The following CALCR variants were observed in gnomAD, a reference collection of about 807,000 sequenced individuals.
CALCR encodes calcitonin receptor.
CALCR carries 47 observed loss-of-function variants against 59.5 expected under a neutral mutation model. The ratio of observed to expected loss-of-function variants is 0.79; its 90% CI spans 0.63 to 1.01. CALCR has a LOEUF of 1.01. Ranked by LOEUF, CALCR falls within the 50% of genes least tolerant of loss-of-function variation. The pLI is 0.00. For synonymous variants in CALCR, 213 were observed against 211.3 expected (o/e 1.01, Z -0.07); for missense variants, 566 against 597.1 (o/e 0.95, Z 0.54).
chr7:93,519,422 C>T (rs1186952621), intron 2 of CALCR, among the ~76,000 whole-genome samples: 1 of 151,948 alleles, frequency 6.6e-6, no homozygotes, highest in African/African-American at 2.4e-5. Context: ...GTTACTTAAC[C>T]ACTCTTAGCC....
At chr7:93,519,816 C>G (rs1746306475) in intron 2 of CALCR, among the ~76,000 whole-genome samples, 1 of 151,908 alleles carries the variant, frequency 6.6e-6, no homozygotes, top group African/African-American at 2.4e-5. Context: ...TTCCCCTCTG[C>G]TCGCTCACTC....
chr7:93,510,299 G>A lies in CALCR; in HGVS notation c.-26-23292C>T, dbSNP rs142014981. On this transcript the variant is annotated intron_variant, in intron 2 of 13. Coordinates refer to ENST00000426151, the MANE Select transcript of CALCR (RefSeq NM_001742.4). ...TAACATCAGGAGCTACTTAGGACCC[G>A]TCCAATGTCCATGGGGGAAAGGTCC... Among the ~76,000 whole-genome samples the A allele has an allele frequency of 5.7e-4, 86 of 152,158 alleles. 1 individual carries two copies. The highest frequency in any genetic ancestry group is 3.4e-3 in the Middle Eastern group (1 of 294).
chr7:93,478,653 A>G (rs1333129070), intron 4 of CALCR, among the ~76,000 whole-genome samples: 1 of 150,802 alleles, frequency 6.6e-6, no homozygotes. Context: ...ATATATATAT[A>G]TATATATAGT....
In CALCR at chr7:93,426,530, C is replaced by G. The variant is rs529140021; in HGVS notation, c.1251G>C (p.Trp417Cys). Residue 417 changes from tryptophan (W) to cysteine (C), a missense_variant, in exon 14 of 14, where the codon TGG becomes TGC. By Grantham distance (215) the Trp-to-Cys change is radical. Transcript: ENST00000426151. ...CAGAGCGGTTGGAGGGGCGCCTCCC[C>G]CAACGCTGGTTCCACTGAATTTTGA... ...AQFKIQWNQR[W>C]GRRPSNRSAR... 2.2e-5 allele frequency: 35 copies of G among 1,613,744 alleles called. No homozygotes were observed. The South Asian group carries it at 3.7e-4, about 17-fold the overall frequency.
chr7:93,447,607 C>T (rs573166921), intron 8 of CALCR, among the ~76,000 whole-genome samples: 20 of 151,914 alleles, frequency 1.3e-4, no homozygotes, highest in Admixed American at 5.3e-4. Context: ...GTGGAAACAA[C>T]GAAAAGCAAT....
intron 2 of CALCR, 148 bp downstream of exon 2, chr7:93,574,141 C>A: frequency 6.6e-6 from 1 of 152,200 alleles, no homozygotes; most frequent in East Asian, 1.9e-4. Flanking sequence ...CATCTAAGAC[C>A]TAGCTGACCC....
chr7:93,446,487 C>T lies in CALCR; in HGVS notation c.649-2730G>A, dbSNP rs555344784. 5.3e-5 allele frequency among the ~76,000 whole-genome samples: 8 copies of T among 152,044 alleles called. No homozygotes were observed. The South Asian group carries it at 1.5e-3, about 28-fold the overall frequency. On this transcript the variant is annotated intron_variant, in intron 8 of 13. Transcript: ENST00000426151. ...TAGGCCCCTGATTAAGAATCCTGTGCCCAAGATATTCAAGGTAATTCAGTT... is the reference window on the plus strand; with the variant it reads ...TAGGCCCCTGATTAAGAATCCTGTGTCCAAGATATTCAAGGTAATTCAGTT...
intron 8 of CALCR, among the ~76,000 whole-genome samples, chr7:93,457,303 C>T (rs565190871): frequency 5.9e-5 from 9 of 152,198 alleles, no homozygotes; most frequent in African/African-American, 9.6e-5. Flanking sequence ...CCAGGACAAC[C>T]GCTGGGAAGT....
At chr7:93,478,006 A>G (rs1352098129) in intron 4 of CALCR, among the ~76,000 whole-genome samples, 1 of 149,132 alleles carries the variant, frequency 6.7e-6, no homozygotes, top group East Asian at 2.0e-4. Flanking sequence ...TTCTACCTAA[A>G]ACCATGAAGA....
intron 13 of CALCR, among the ~76,000 whole-genome samples, chr7:93,427,602 A>G (rs1799557954): frequency 6.6e-6 from 1 of 152,212 alleles, no homozygotes; most frequent in Admixed American, 6.5e-5. Flanking sequence ...TGTGAACTAA[A>G]TCATGTAACT....
intron 2 of CALCR, among the ~76,000 whole-genome samples, chr7:93,497,358 A>G (rs1040336614): frequency 2.6e-5 from 4 of 151,658 alleles, no homozygotes; most frequent in Non-Finnish European, 4.4e-5. Flanking sequence ...TGTATACATC[A>G]TCTAATTAGC....
chr7:93,507,343 G>T (rs761377123), intron 2 of CALCR, among the ~76,000 whole-genome samples: 7 of 152,060 alleles, frequency 4.6e-5, no homozygotes, highest in Non-Finnish European at 1.0e-4. Flanking sequence ...GTTAATGCCT[G>T]ATGGAGAAAA....
At chr7:93,442,481 T>G (rs1033824013) in intron 9 of CALCR, among the ~76,000 whole-genome samples, 7 of 152,196 alleles carry the variant, frequency 4.6e-5, no homozygotes, top group Non-Finnish European at 8.8e-5. Flanking sequence ...GTTTACAGAC[T>G]GCAGGAAAGA....
chr7:93,473,102 A>G (rs1201908783), intron 5 of CALCR, among the ~76,000 whole-genome samples: 1 of 151,754 alleles, frequency 6.6e-6, no homozygotes, highest in Non-Finnish European at 1.5e-5. Flanking sequence ...CATCCCACAG[A>G]AAATATATAG....
chr7:93,474,030 C>A (rs1055421064), intron 5 of CALCR, among the ~76,000 whole-genome samples: 2 of 151,678 alleles, frequency 1.3e-5, no homozygotes, highest in African/African-American at 4.8e-5. Flanking sequence ...ACCATAGCAA[C>A]TACAATAATT....
At position 93,425,234 on chromosome 7, in the gene CALCR, T is replaced by A. The variant is rs1439223148; in HGVS notation, c.*1122A>T. Reference sequence around the variant, plus strand: ...TATGGTTAAATTTGGAGCAGTTAATTTTTTCCCCTCCTGTTTTGGTAATAA... The same window carrying A: ...TATGGTTAAATTTGGAGCAGTTAATATTTTCCCCTCCTGTTTTGGTAATAA... On this transcript the variant is annotated 3_prime_UTR_variant, in exon 14 of 14. Coordinates refer to ENST00000426151, the MANE Select transcript of CALCR (RefSeq NM_001742.4). 3 of 152,588 alleles carry A rather than the reference T, an allele frequency of 2.0e-5. No homozygotes were observed. Among genetic ancestry groups the A allele is most frequent in the African/African-American group, 7.2e-5 (3 of 41,452 alleles). The allele number at this position is 152,588 out of a possible 1,614,324, so 9.5% of individuals were successfully genotyped here.
At chr7:93,483,034 A>T (rs529411383) in intron 3 of CALCR, among the ~76,000 whole-genome samples, 2 of 151,906 alleles carry the variant, frequency 1.3e-5, no homozygotes, top group Non-Finnish European at 2.9e-5. Context: ...ATCCCTTGGT[A>T]TACTCAGGGG....
chr7:93,512,568 C>G (rs1321212203), intron 2 of CALCR, among the ~76,000 whole-genome samples: 3 of 152,076 alleles, frequency 2.0e-5, no homozygotes, highest in African/African-American at 7.2e-5. Context: ...AATCAGCAAC[C>G]ATTTGAAGAG....
At chr7:93,526,324 A>G (rs1801876070) in intron 2 of CALCR, among the ~76,000 whole-genome samples, 1 of 152,116 alleles carries the variant, frequency 6.6e-6, no homozygotes. Context: ...TATCTTACCA[A>G]TACATCACAC....
Sources: allele counts gnomAD v4.1 joint callset (sites outside exome capture counted in the v4.1 genomes callset), GRCh38; gene constraint gnomAD v4.1.1; transcripts MANE v1.5; gene names NCBI Gene and HGNC (gene_info 2026-07-23, HGNC 2026-07-21).